Variants in ASMTL observed in about 807,000 individuals in gnomAD.
ASMTL encodes the protein probable bifunctional dTTP/UTP pyrophosphatase/methyltransferase protein.
Under a neutral mutation model 60.3 loss-of-function variants are expected in ASMTL, and 57 were observed. That is an observed-to-expected ratio of 0.95 (90% confidence interval 0.76 to 1.18). The LOEUF is 1.18. ASMTL is among the 50% of genes most tolerant of loss of function. The pLI, the probability that ASMTL is intolerant of heterozygous loss-of-function variation, is 0.00. For missense variants in ASMTL, 981 were observed against 852.6 expected (o/e 1.15, Z -1.88); for synonymous variants, 419 against 373.0 (o/e 1.12, Z -1.42).
chrX:1,417,528 C>CAA (rs1256186318), intron 11 of ASMTL, among the ~76,000 whole-genome samples: 1 of 136,960 alleles, frequency 7.3e-6, no homozygotes, highest in Non-Finnish European at 1.6e-5. Flanking sequence ...GACATGCACA[C>CAA]ACACACACAT....
intron 11 of ASMTL, among the ~76,000 whole-genome samples, chrX:1,415,214 T>TGCAGGCGTGAGCCTGGGCATGTGGC (rs1556655713): frequency 6.6e-6 from 1 of 151,808 alleles, no homozygotes; most frequent in Non-Finnish European, 1.5e-5. Flanking sequence ...GGGCTGGGAT[T>TGCAGGCGTGAGCCTGGGCATGTGGC]CCAGGCGTCT....
chrX:1,430,519 C>T (rs2090741189), intron 6 of ASMTL, among the ~76,000 whole-genome samples: 1 of 151,958 alleles, frequency 6.6e-6, no homozygotes, highest in South Asian at 2.1e-4. Flanking sequence ...TCCTGTGGTC[C>T]CACCTACTCA....
At chrX:1,431,500 A>G (rs1331513405) in intron 6 of ASMTL, among the ~76,000 whole-genome samples, 1 of 139,836 alleles carries the variant, frequency 7.2e-6, no homozygotes, top group African/African-American at 2.6e-5. Flanking sequence ...ACTACTTATT[A>G]AAATTAATCA....
At chrX:1,426,373 CTGA>C (rs1161139560) in intron 7 of ASMTL, among the ~76,000 whole-genome samples, 1 of 152,148 alleles carries the variant, frequency 6.6e-6, no homozygotes, top group Non-Finnish European at 1.5e-5. Context: ...GTTCTCTCTC[CTGA>C]TGATGAATGG....
chrX:1,419,922 T>C (rs1329805237), intron 9 of ASMTL, among the ~76,000 whole-genome samples: 1 of 151,648 alleles, frequency 6.6e-6, no homozygotes, highest in East Asian at 1.9e-4. Context: ...CTCTGACTCT[T>C]TCTCCCTTGG....
At chrX:1,430,835 T>C (rs1230010768) in intron 6 of ASMTL, among the ~76,000 whole-genome samples, 4 of 146,312 alleles carry the variant, frequency 2.7e-5, no homozygotes, top group African/African-American at 9.9e-5. Context: ...TACAAATGTA[T>C]TTATATACAT....
chrX:1,413,152 C>G, intron 11 of ASMTL: 1 of 399,780 alleles, frequency 2.5e-6, no homozygotes, highest in African/African-American at 2.0e-5. Flanking sequence ...TGTCTGAGCT[C>G]AGGAGTTCGA....
intron 11 of ASMTL, among the ~76,000 whole-genome samples, chrX:1,415,985 G>T (rs1409738357): frequency 6.6e-6 from 1 of 151,414 alleles, no homozygotes; most frequent in Non-Finnish European, 1.5e-5. Context: ...GTACACACAT[G>T]GACACACAGA....
chrX:1,412,612 C>T (rs2090072244), intron 12 of ASMTL, 120 bp downstream of exon 12: 2 of 1,376,896 alleles, frequency 1.5e-6, no homozygotes, highest in African/African-American at 2.9e-5. Flanking sequence ...ATCCGCCCGC[C>T]TCGGCCTCCC....
rs141197404 is a variant in ASMTL, at chrX:1,407,818, G to A, written c.1646-4329C>T. The stretch of plus-strand genomic sequence containing the variant: ...ACAGAGAAGATAAAGGAGGAAGGAG[G>A]AGAGAAGAGAAACAGAGATTGATGA... On this transcript the variant is annotated intron_variant, in intron 12 of 12. Transcript: ENST00000381317. Among the ~76,000 whole-genome samples the A allele has an allele frequency of 4.7e-3, 722 of 152,014 alleles. 6 individuals carry two copies. The highest frequency in any genetic ancestry group is 0.017 in the African/African-American group (685 of 41,450).
Position 1,425,510 on chromosome X carries a change from G to A in ASMTL, c.1060+15C>T, listed in dbSNP as rs757812776. The A allele has an allele frequency of 3.2e-5, 51 of 1,607,276 alleles. No individual in the cohort carries two copies. In the South Asian group the frequency reaches 4.5e-4, roughly 14 times the overall value. ...TGCAAAGATCCTCAGAGCAAAACCCGCTGGGTCCTGTCACCTTGCTCTGTC... is the reference window on the plus strand; with the variant it reads ...TGCAAAGATCCTCAGAGCAAAACCCACTGGGTCCTGTCACCTTGCTCTGTC... On this transcript the variant is annotated intron_variant, in intron 8 of 12. Transcript: ENST00000381317.
At chrX:1,418,728 T>A (rs1321198201) in intron 10 of ASMTL, among the ~76,000 whole-genome samples, 1 of 151,036 alleles carries the variant, frequency 6.6e-6, no homozygotes, top group East Asian at 2.0e-4. Flanking sequence ...AATCCAGGGG[T>A]TCCAAGGTGC....
Position 1,405,976 on chromosome X carries a change from A to G in ASMTL, c.1646-2487T>C, listed in dbSNP as rs751820827. 4.6e-3 allele frequency among the ~76,000 whole-genome samples: 691 copies of G among 150,070 alleles called. 5 individuals are homozygous for G. The highest frequency in any genetic ancestry group is 0.016 in the African/African-American group (656 of 40,634). ...TAGATGGTAGATGATGGGTACGTAG[A>G]TAGATGAATGGATGGATAGATGGAT... On this transcript the variant is annotated intron_variant, in intron 12 of 12. Transcript: ENST00000381317.
intron 1 of ASMTL, among the ~76,000 whole-genome samples, chrX:1,444,742 G>GGCA (rs2091197989): frequency 6.6e-6 from 1 of 152,014 alleles, no homozygotes; most frequent in African/African-American, 2.4e-5. Context: ...GGAAGCTGTG[G>GGCA]GCAGCAGCAG....
chrX:1,436,935 G>C (rs1315832254), intron 3 of ASMTL, among the ~76,000 whole-genome samples: 2 of 152,232 alleles, frequency 1.3e-5, no homozygotes, highest in African/African-American at 4.8e-5. Context: ...CATCGTCGTG[G>C]AGACTGGAAG....
At chrX:1,412,893 G>C in intron 11 of ASMTL, 39 bp from the exon 12 acceptor site, 4 of 1,612,306 alleles carry the variant, frequency 2.5e-6, no homozygotes, top group Non-Finnish European at 3.4e-6. Flanking sequence ...CGTCAGGTAT[G>C]GAAGAAGCAG....
chrX:1,417,316 C>T (rs1302004051), intron 11 of ASMTL, among the ~76,000 whole-genome samples: 1 of 151,006 alleles, frequency 6.6e-6, no homozygotes, highest in Admixed American at 6.6e-5. Context: ...GACGCACATA[C>T]ACAGACATGC....
chrX:1,445,885 C>T (rs1211052987), intron 1 of ASMTL, among the ~76,000 whole-genome samples: 1 of 152,120 alleles, frequency 6.6e-6, no homozygotes, highest in Non-Finnish European at 1.5e-5. Context: ...CGCGAGCCTT[C>T]TGTTATGCCC....
chrX:1,446,274 G>A (rs1474226154), intron 1 of ASMTL, among the ~76,000 whole-genome samples: 1 of 151,996 alleles, frequency 6.6e-6, no homozygotes, highest in African/African-American at 2.4e-5. Flanking sequence ...ATTGGAGATG[G>A]CTCACACTCC....
Sources: allele counts gnomAD v4.1 joint callset (sites outside exome capture counted in the v4.1 genomes callset), GRCh38; gene constraint gnomAD v4.1.1; transcripts MANE v1.5; gene names NCBI Gene and HGNC (gene_info 2026-07-23, HGNC 2026-07-21).